FES: variants seen among roughly 807,000 people sequenced by gnomAD.
The protein encoded by FES is FES proto-oncogene, tyrosine kinase.
FES carries 83 observed loss-of-function variants against 109.6 expected under a neutral mutation model. That is an observed-to-expected ratio of 0.76 (90% confidence interval 0.63 to 0.91). FES has a LOEUF of 0.91. Ranked by LOEUF, FES falls within the 40% of genes least tolerant of loss-of-function variation. The pLI, the probability that FES is intolerant of heterozygous loss-of-function variation, is 0.00. For synonymous variants in FES, 458 were observed against 442.1 expected (o/e 1.04, Z -0.45); for missense variants, 943 against 1,070.9 (o/e 0.88, Z 1.67).
In FES at chr15:90,889,534, C is replaced by G; in HGVS notation, c.824C>G (p.Pro275Arg). The G allele has an allele frequency of 6.2e-7, 1 of 1,613,858 alleles. No homozygotes were observed. Residue 275 changes from proline (P) to arginine (R), a missense_variant, in exon 7 of 19, where the codon CCA becomes CGA. By Grantham distance (103) the Pro-to-Arg change is moderately radical. Transcript: ENST00000328850. The surrounding 1 kb of genome is among the most constrained non-coding windows in gnomAD (Gnocchi z 6.1). ...LRQYGSAPDVPPCVTFDESLL... is the reference protein window; with the variant it reads ...LRQYGSAPDVRPCVTFDESLL... Reference sequence around the variant, plus strand: ...CCCCACAGGTCCGCACCTGACGTCCCACCCTGTGTCACGTTCGATGAGTCA... The same window carrying G: ...CCCCACAGGTCCGCACCTGACGTCCGACCCTGTGTCACGTTCGATGAGTCA...
In FES at chr15:90,889,797, G is replaced by A. The variant is rs1348044585; in HGVS notation, c.927-43G>A. The A allele has an allele frequency of 6.2e-7, 1 of 1,611,716 alleles. No homozygotes were observed. The highest frequency in any genetic ancestry group is 1.7e-5 in the Admixed American group (1 of 59,982). On this transcript the variant is annotated intron_variant, in intron 7 of 18. Transcript: ENST00000328850. The surrounding 1 kb of genome is among the most constrained non-coding windows in gnomAD (Gnocchi z 6.1). ...GATGCACTGGACCTGGGTTGAGGGGGCAGGAGGGCTCGGTTCTAATGCTGC... is the reference window on the plus strand; with the variant it reads ...GATGCACTGGACCTGGGTTGAGGGGACAGGAGGGCTCGGTTCTAATGCTGC...
At chr15:90,891,486 T>C (rs2033208449) in intron 11 of FES, 68 bp from the exon 12 acceptor site, 1 of 1,606,588 alleles carries the variant, frequency 6.2e-7, no homozygotes, top group African/African-American at 1.3e-5. Context: ...CTGCTCTCCC[T>C]TTCCCCCTCC....
intron 12 of FES, 118 bp downstream of exon 12, chr15:90,891,794 T>G: frequency 6.9e-7 from 1 of 1,445,164 alleles, no homozygotes; most frequent in African/African-American, 1.4e-5. Flanking sequence ...ACATACAAGA[T>G]GCAGAGTGAG....
At chr15:90,888,747 C>CATTTATTT (rs57072260) in intron 5 of FES, among the ~76,000 whole-genome samples, 399 of 142,658 alleles carry the variant, frequency 2.8e-3, no homozygotes, top group East Asian at 0.013. Flanking sequence ...GATAGCAGTT[C>CATTTATTT]ATTTATTTAT....
intron 14 of FES, 82 bp from the exon 15 acceptor site, chr15:90,893,018 C>T: frequency 6.6e-7 from 1 of 1,508,520 alleles, no homozygotes; most frequent in Non-Finnish European, 9.0e-7. Flanking sequence ...GCCTTGGAGG[C>T]CAAGCTCTTC....
chr15:90,892,611 G>A, intron 13 of FES, 96 bp from the exon 14 acceptor site: 2 of 1,240,510 alleles, frequency 1.6e-6, no homozygotes, highest in South Asian at 1.4e-5. Context: ...GAACACGGGG[G>A]CCCCTCACCC....
At chr15:90,886,777 T>TC (rs34120948) in intron 3 of FES, among the ~76,000 whole-genome samples, 184 bp from the exon 4 acceptor site, 3 of 152,226 alleles carry the variant, frequency 2.0e-5, no homozygotes, top group Non-Finnish European at 4.4e-5. Context: ...CCTCTTTGCC[T>TC]CCCCAAGGGG....
Position 90,891,974 on chromosome 15 carries a change from CA to C in FES, c.1654-78del, listed in dbSNP as rs143674280. 3,353 of 1,559,348 alleles carry C rather than the reference CA, an allele frequency of 2.2e-3. 67 individuals carry two copies. In the African/African-American group the frequency reaches 0.04, roughly 19 times the overall value. On this transcript the variant is annotated intron_variant, in intron 12 of 18. Transcript: ENST00000328850. ...CACCCCTGGTCACATATGGAGGCGC[CA>C]AAAAATGGAGGACACAGCCCTTCTA...
At chr15:90,886,017 G>A (rs2032581743) in intron 3 of FES, among the ~76,000 whole-genome samples, 1 of 152,220 alleles carries the variant, frequency 6.6e-6, no homozygotes. Flanking sequence ...TTCGGGCCGT[G>A]AAGTCAGCCT....
chr15:90,886,149 C>T (rs1027461183), intron 3 of FES, among the ~76,000 whole-genome samples: 1 of 152,248 alleles, frequency 6.6e-6, no homozygotes, highest in South Asian at 2.1e-4. Flanking sequence ...ACACCCCTTC[C>T]TCAAGTGCAG....
Position 90,889,540 on chromosome 15 carries a change from G to C in FES, c.830G>C (p.Cys277Ser). The C allele has an allele frequency of 6.2e-7, 1 of 1,613,850 alleles. No individual in the cohort carries two copies. Among genetic ancestry groups the C allele is most frequent in the Non-Finnish European group, 8.5e-7 (1 of 1,180,012 alleles). ...AGGTCCGCACCTGACGTCCCACCCT[G>C]TGTCACGTTCGATGAGTCACTGCTT... ...QYGSAPDVPP[C>S]VTFDESLLEE... is the part of the protein sequence containing the mutation. Residue 277 changes from cysteine to serine, a missense_variant, in exon 7 of 19, where the codon TGT becomes TCT. By Grantham distance (112) the Cys-to-Ser change is moderately radical (BLOSUM62 -1). Transcript: ENST00000328850. This position sits in a 1 kb window ranked among gnomAD's most constrained non-coding sequence, Gnocchi z 6.1.
At position 90,887,256 on chromosome 15, in the gene FES, G is replaced by T; in HGVS notation, c.554G>T (p.Arg185Leu). The T allele has an allele frequency of 6.2e-7, 1 of 1,613,366 alleles. No individual in the cohort carries two copies. Among genetic ancestry groups the T allele is most frequent in the African/African-American group, 1.3e-5 (1 of 75,052 alleles). The change falls in exon 5 of 19, where the codon CGC (arginine) becomes CTC (leucine). Residue 185 changes from arginine to leucine, a missense_variant. Transcript: ENST00000328850. ...TGGAAGCTCTTTGCTCACCACAACC[G>T]CTATGTGCTGGGCGTGCGGGCTGCG... ...SLWKLFAHHN[R>L]YVLGVRAAQL...
intron 10 of FES, 76 bp from the exon 11 acceptor site, chr15:90,890,906 G>C (rs2033151562): frequency 1.4e-6 from 2 of 1,402,144 alleles, no homozygotes; most frequent in Non-Finnish European, 1.9e-6. Flanking sequence ...AGGGGGGAGA[G>C]AGAGACCCCC....
chr15:90,884,842 G>C, intron 1 of FES, 195 bp from the exon 2 acceptor site: 1 of 573,102 alleles, frequency 1.7e-6, no homozygotes. Context: ...AGACCCTGAC[G>C]CTAAGGAAGC....
chr15:90,886,717 C>T (rs1455739445), intron 3 of FES, among the ~76,000 whole-genome samples: 1 of 152,246 alleles, frequency 6.6e-6, no homozygotes, highest in Non-Finnish European at 1.5e-5. Flanking sequence ...CTGCCTGCCA[C>T]CAGGCTACCA....
At chr15:90,888,728 G>A (rs1189971993) in intron 5 of FES, among the ~76,000 whole-genome samples, 2 of 151,684 alleles carry the variant, frequency 1.3e-5, no homozygotes, top group East Asian at 3.9e-4. Context: ...AAGAGGTTTA[G>A]GAGACAAGGA....
intron 9 of FES, 24 bp from the exon 10 acceptor site, chr15:90,890,377 G>A (rs1596105708): frequency 3.1e-6 from 5 of 1,610,056 alleles, no homozygotes; most frequent in East Asian, 2.2e-5. Flanking sequence ...CTGGCCACCC[G>A]CTGACGTCTG....
At position 90,895,301 on chromosome 15, in the gene FES, A is replaced by T. The variant is rs187228217; in HGVS notation, c.2327-115A>T. 4.6e-4 allele frequency: 406 copies of T among 890,056 alleles called. 1 individual carries two copies. In the African/African-American group the frequency reaches 5.3e-3, roughly 12 times the overall value. The allele number at this position is 890,056 out of a possible 1,614,324, so 55.1% of individuals were successfully genotyped here. A position where few individuals can be genotyped will look rare whatever the true frequency, so the allele number is the denominator to read the frequency against. ...TTGGGCCCTTGGTGGAGAACAGTGC[A>T]TCCTTCAGAACAGTGCATCTTAAGC... On this transcript the variant is annotated intron_variant, in intron 18 of 18. Transcript: ENST00000328850.
intron 5 of FES, among the ~76,000 whole-genome samples, chr15:90,888,549 C>G (rs1239532789): frequency 6.7e-6 from 1 of 148,544 alleles, no homozygotes; most frequent in African/African-American, 2.5e-5. Flanking sequence ...GGGGAGGTAG[C>G]AATGGAGGTG....
Sources: gnomAD v4.1 joint callset for allele counts (sites outside exome capture counted in the v4.1 genomes callset) on GRCh38, gnomAD v4.1.1 for gene constraint, Gnocchi (gnomAD v3.1) non-coding constraint, MANE v1.5 for transcripts, NCBI Gene and HGNC (gene_info 2026-07-23, HGNC 2026-07-21) for gene names.